Variants in ARF3 observed in about 807,000 individuals in gnomAD.
ARF3 encodes the protein ARF GTPase 3.
ARF3 carries 5 observed loss-of-function variants against 19.3 expected under a neutral mutation model. That is an observed-to-expected ratio of 0.26 (90% CI 0.14 to 0.54). The LOEUF (loss-of-function observed/expected upper bound fraction) is 0.54, where lower values mean the gene tolerates loss of function less well. Among genes scored for constraint, ARF3 ranks in the 20% least tolerant of loss-of-function variants. The pLI, the probability that ARF3 is intolerant of heterozygous loss-of-function variation, is 0.95. For missense variants in ARF3, 77 were observed against 234.2 expected, an observed-to-expected ratio of 0.33 and a Z score of 4.38; for synonymous variants, 71 against 89.2, an observed-to-expected ratio of 0.80 and a Z score of 1.15.
chr12:48,944,116 T>A (rs1940315417), intron 1 of ARF3, among the ~76,000 whole-genome samples: 1 of 152,258 alleles, frequency 6.6e-6, no homozygotes, highest in Non-Finnish European at 1.5e-5. Flanking sequence ...CAGCCTTTCC[T>A]TCAGCTCCAG....
intron 1 of ARF3, among the ~76,000 whole-genome samples, chr12:48,943,878 C>A (rs1940309814): frequency 6.6e-6 from 1 of 152,178 alleles, no homozygotes; most frequent in Non-Finnish European, 1.5e-5. Flanking sequence ...TAGGGTTCAA[C>A]TTCAGTCAAG....
At chr12:48,948,620 G>T (rs1345592565) in intron 1 of ARF3, among the ~76,000 whole-genome samples, 1 of 152,048 alleles carries the variant, frequency 6.6e-6, no homozygotes, top group Non-Finnish European at 1.5e-5. Context: ...AGATCAGCCT[G>T]GCCAACATGG....
rs1940188604 is a variant in ARF3, at chr12:48,938,415, C to T, written c.*532G>A. The T allele has an allele frequency of 2.2e-6, 1 of 454,172 alleles. No individual in the cohort carries two copies. The highest frequency in any genetic ancestry group is 1.6e-5 in the South Asian group (1 of 64,480). The allele number at this position is 454,172 out of a possible 1,614,324, so 28.1% of individuals were successfully genotyped here. On this transcript the variant is annotated 3_prime_UTR_variant, in exon 5 of 5. Coordinates refer to ENST00000256682, the MANE Select transcript of ARF3 (RefSeq NM_001659.3). ...TCCTGGCTGCAAGCCCTGAGCTTCA[C>T]TCCACCCCCTCCCCGCTCCCCCCGG...
chr12:48,953,276 T>C (rs190087395), intron 1 of ARF3: 5 of 152,298 alleles, frequency 3.3e-5, no homozygotes, highest in Admixed American at 3.3e-4. Context: ...CCACAGGTTC[T>C]GCTTGAAGAG....
In ARF3 at chr12:48,936,380, G is replaced by C. The variant is rs1441859263; in HGVS notation, c.*2567C>G. 1 of 152,608 alleles carries C rather than the reference G, an allele frequency of 6.6e-6. No homozygotes were observed. Among genetic ancestry groups the C allele is most frequent in the East Asian group, 1.9e-4 (1 of 5,196 alleles). The allele number at this position is 152,608 out of a possible 1,614,324, so 9.5% of individuals were successfully genotyped here. A position where few individuals can be genotyped will look rare whatever the true frequency, so the allele number is the denominator to read the frequency against. ...AAACTTTGGGGTGGGGGGAGCGGGA[G>C]TCCTCAGGAAGCAGAAAGCTGGAAT... On this transcript the variant is annotated 3_prime_UTR_variant, in exon 5 of 5. Coordinates refer to ENST00000256682, the MANE Select transcript of ARF3 (RefSeq NM_001659.3).
chr12:48,945,376 G>A lies in ARF3; in HGVS notation c.-93-4188C>T, dbSNP rs1592241053. ...GGGCGGAACACGAGGTCAGGAGATC[G>A]AGACCATCCTGGCTAATACAGTGAA... On this transcript the variant is annotated intron_variant, in intron 1 of 4. Coordinates refer to ENST00000256682, the MANE Select transcript of ARF3 (RefSeq NM_001659.3). 6.6e-5 allele frequency among the ~76,000 whole-genome samples: 10 copies of A among 152,142 alleles called. 3 individuals are homozygous for A. The highest frequency in any genetic ancestry group is 5.9e-4 in the Admixed American group (9 of 15,288).
chr12:48,949,102 G>A (rs1434230782), intron 1 of ARF3, among the ~76,000 whole-genome samples: 1 of 152,246 alleles, frequency 6.6e-6, no homozygotes, highest in East Asian at 1.9e-4. Flanking sequence ...GTGCTTAAAT[G>A]TACGCAGAAG....
At position 48,939,001 on chromosome 12, in the gene ARF3, G is replaced by A. The variant is rs1329710395; in HGVS notation, c.492C>T (p.Asp164=). 5 of 1,613,322 alleles carry A rather than the reference G, an allele frequency of 3.1e-6. No homozygotes were observed. The highest frequency in any genetic ancestry group is 2.2e-5 in the East Asian group (1 of 44,882). The change falls in exon 5 of 5, where the codon GAC becomes GAT. Residue 164 remains aspartate, a synonymous_variant. Coordinates refer to ENST00000256682, the MANE Select transcript of ARF3 (RefSeq NM_001659.3). This position sits in a 1 kb window ranked among gnomAD's most constrained non-coding sequence, Gnocchi z 4.8. ...GCCAGTCCAGGCCTTCGTACAGCCC[G>A]TCCCCGCTGGTGGCACAGGTGGCCT... ...YIQATCATSG[D]GLYEGLDWLA...
chr12:48,947,409 C>T (rs1454278993), intron 1 of ARF3, among the ~76,000 whole-genome samples: 2 of 151,510 alleles, frequency 1.3e-5, no homozygotes, highest in African/African-American at 2.4e-5. Context: ...CAAGTTCAAG[C>T]GATTCTCCTG....
At position 48,936,870 on chromosome 12, in the gene ARF3, G is replaced by A. The variant is rs578221731; in HGVS notation, c.*2077C>T. On this transcript the variant is annotated 3_prime_UTR_variant, in exon 5 of 5. Transcript: ENST00000256682. ...ATTGAAAAGGAAAGAGTTCAAGGAA[G>A]GAGAGGCAATGGGGCAAGACAAAAT... 2 of 152,340 alleles carry A rather than the reference G, an allele frequency of 1.3e-5. No homozygotes were observed. Among genetic ancestry groups the A allele is most frequent in the Admixed American group, 1.3e-4 (2 of 15,284 alleles). The allele number at this position is 152,340 out of a possible 1,614,324, so 9.4% of individuals were successfully genotyped here.
At chr12:48,952,936 T>A (rs1001818662) in intron 1 of ARF3, among the ~76,000 whole-genome samples, 3 of 152,174 alleles carry the variant, frequency 2.0e-5, no homozygotes, top group Non-Finnish European at 4.4e-5. Flanking sequence ...GGGCTTGGGG[T>A]GGCTACAGCC....
intron 2 of ARF3, among the ~76,000 whole-genome samples, chr12:48,940,606 G>A (rs1740770638): frequency 1.3e-5 from 2 of 152,176 alleles, no homozygotes; most frequent in Non-Finnish European, 2.9e-5. Context: ...ACCAAGATTG[G>A]CCACCAAAGA....
At chr12:48,956,741 A>C (rs546474793) in intron 1 of ARF3, among the ~76,000 whole-genome samples, 4 of 151,628 alleles carry the variant, frequency 2.6e-5, no homozygotes, top group Admixed American at 1.3e-4. Flanking sequence ...GGTTCCCTAG[A>C]CTCGAAAGCG....
chr12:48,954,154 T>A (rs1271618856), intron 1 of ARF3, among the ~76,000 whole-genome samples: 1 of 152,232 alleles, frequency 6.6e-6, no homozygotes, highest in East Asian at 1.9e-4. Flanking sequence ...ACTATTCTTG[T>A]GCCCCCATAT....
chr12:48,938,256 A>G lies in ARF3; in HGVS notation c.*691T>C. The G allele has an allele frequency of 2.6e-6, 1 of 385,264 alleles. No individual in the cohort carries two copies. The highest frequency in any genetic ancestry group is 5.3e-6 in the Non-Finnish European group (1 of 190,328). 23.9% of individuals were successfully genotyped at this position (385,264 alleles called of 1,614,324 possible). ...GAATCCATCATCTGTCCTATCATCC[A>G]GAAAAACCTACCTGCAGAGAGGAGG... On this transcript the variant is annotated 3_prime_UTR_variant, in exon 5 of 5. Transcript: ENST00000256682.
rs1217958873 is a variant in ARF3 at position 48,939,764 on chromosome 12, A to G, written c.275T>C (p.Val92Ala). The G allele has an allele frequency of 6.2e-7, 1 of 1,614,088 alleles. No individual in the cohort carries two copies. Among genetic ancestry groups the G allele is most frequent in the East Asian group, 2.2e-5 (1 of 44,888 alleles). Residue 92 changes from valine (V) to alanine (A), a missense_variant, in exon 4 of 5, where the codon GTC (valine) becomes GCC (alanine). Val to Ala is a moderately conservative substitution (Grantham distance 64, BLOSUM62 0). Transcript: ENST00000256682. The surrounding 1 kb of genome is among the most constrained non-coding windows in gnomAD (Gnocchi z 4.8). ...FQNTQGLIFVVDSNDRERVNE... is the reference protein window; with the variant it reads ...FQNTQGLIFVADSNDRERVNE... Reference sequence around the variant, plus strand: ...TACTCGCTCCCGATCATTGCTGTCGACCACAAATATCAACCCTAGGAAGGC... The same window carrying G: ...TACTCGCTCCCGATCATTGCTGTCGGCCACAAATATCAACCCTAGGAAGGC...
intron 2 of ARF3, among the ~76,000 whole-genome samples, chr12:48,940,511 C>A (rs768523094): frequency 6.6e-6 from 1 of 152,136 alleles, no homozygotes; most frequent in African/African-American, 2.4e-5. Flanking sequence ...ATCCTGGAGC[C>A]CCAAAGGCAG....
chr12:48,948,704 A>G (rs1221537357), intron 1 of ARF3, among the ~76,000 whole-genome samples: 1 of 152,076 alleles, frequency 6.6e-6, no homozygotes, highest in Non-Finnish European at 1.5e-5. Flanking sequence ...CCAGCTACTC[A>G]GGGTGCTGAG....
chr12:48,949,995 G>C (rs1362784266), intron 1 of ARF3, among the ~76,000 whole-genome samples: 1 of 152,156 alleles, frequency 6.6e-6, no homozygotes, highest in Non-Finnish European at 1.5e-5. Context: ...GCAGAAAAAT[G>C]GGAAAAACTC....
Sources: gnomAD v4.1 joint callset for allele counts (sites outside exome capture counted in the v4.1 genomes callset) on GRCh38, gnomAD v4.1.1 for gene constraint, Gnocchi (gnomAD v3.1) non-coding constraint, MANE v1.5 for transcripts, NCBI Gene and HGNC (gene_info 2026-07-23, HGNC 2026-07-21) for gene names.